SLCO2A1: variants seen among roughly 807,000 people sequenced by gnomAD.
The protein encoded by SLCO2A1 is solute carrier organic anion transporter family member 2A1, also known as matrin F/G 1.
Under a neutral mutation model 71.7 loss-of-function variants are expected in SLCO2A1, and 60 were observed. The observed-to-expected ratio is 0.84, with a 90% CI of 0.68 to 1.04. SLCO2A1 has a LOEUF of 1.04. Ranked by LOEUF, SLCO2A1 falls within the 50% of genes least tolerant of loss-of-function variation. The probability of loss-of-function intolerance (pLI) is 0.00; values close to 1 mark genes in which losing one functional copy is unlikely to be tolerated. For synonymous variants in SLCO2A1, 308 were observed against 326.7 expected (o/e 0.94, Z 0.62); for missense variants, 745 against 813.4 (o/e 0.92, Z 1.02).
At chr3:134,008,924 T>C (rs1052932294) in intron 1 of SLCO2A1, among the ~76,000 whole-genome samples, 5 of 152,192 alleles carry the variant, frequency 3.3e-5, no homozygotes, top group African/African-American at 4.8e-5. Context: ...AAAAATGCAG[T>C]GGGAACAGTG....
rs74705627 is a variant in SLCO2A1, at chr3:134,011,424, G to A, written c.96+18283C>T. Among the ~76,000 whole-genome samples the A allele has an allele frequency of 3.9e-3, 598 of 152,332 alleles. 5 individuals are homozygous for A. Among genetic ancestry groups the A allele is most frequent in the African/African-American group, 0.014 (573 of 41,566 alleles). ...TGGGACTCTGAGGACTGAAGAAGAAGGAGGCTTGAGCTGCTGTGAGGACGA... is the reference window on the plus strand; with the variant it reads ...TGGGACTCTGAGGACTGAAGAAGAAAGAGGCTTGAGCTGCTGTGAGGACGA... On this transcript the variant is annotated intron_variant, in intron 1 of 13. Transcript: ENST00000310926.
At chr3:134,021,307 G>C (rs113827265) in intron 1 of SLCO2A1, among the ~76,000 whole-genome samples, 2 of 152,200 alleles carry the variant, frequency 1.3e-5, no homozygotes, top group African/African-American at 2.4e-5. Flanking sequence ...GGAGACTATG[G>C]AGTACTGTGA....
intron 1 of SLCO2A1, among the ~76,000 whole-genome samples, chr3:134,024,959 C>T (rs1411904951): frequency 6.6e-6 from 1 of 152,054 alleles, no homozygotes; most frequent in Non-Finnish European, 1.5e-5. Flanking sequence ...GCCCAACCTC[C>T]GAGACCATCC....
In SLCO2A1 at chr3:133,945,256, A is replaced by G. The variant is rs1237643106; in HGVS notation, c.1300T>C (p.Ser434Pro). 8 of 1,601,986 alleles carry G rather than the reference A, an allele frequency of 5.0e-6. No homozygotes were observed. The highest frequency in any genetic ancestry group is 2.2e-5 in the East Asian group (1 of 44,772). ...GGAGACTGCGGATGTATAGAACTTGATGTGCTGCCAGCAAAAGAGGAAACG... is the reference window on the plus strand; with the variant it reads ...GGAGACTGCGGATGTATAGAACTTGGTGTGCTGCCAGCAAAAGAGGAAACG... ...TVAEVYPPST[S>P]SSIHPQSPAC... Residue 434 changes from serine to proline, a missense_variant, in exon 10 of 14, where the codon TCA (serine) becomes CCA (proline). By Grantham distance (74) the Ser-to-Pro change is moderately conservative. Transcript: ENST00000310926.
At chr3:133,938,078 CGCT>C (rs1490516725) in intron 12 of SLCO2A1, among the ~76,000 whole-genome samples, 11 of 152,190 alleles carry the variant, frequency 7.2e-5, no homozygotes, top group Non-Finnish European at 1.6e-4. Flanking sequence ...TGGGCTCAGC[CGCT>C]GCTCTGGCTT....
chr3:134,022,724 G>C (rs1935616204), intron 1 of SLCO2A1, among the ~76,000 whole-genome samples: 1 of 152,126 alleles, frequency 6.6e-6, no homozygotes, highest in South Asian at 2.1e-4. Flanking sequence ...TAATATAAAG[G>C]TAAAATTTAG....
intron 6 of SLCO2A1, among the ~76,000 whole-genome samples, chr3:133,949,545 A>G (rs1933681451): frequency 6.6e-6 from 1 of 152,176 alleles, no homozygotes. Flanking sequence ...TGTCAGCTCC[A>G]GCCTAAGGCC....
chr3:133,950,883 C>T (rs989518039), intron 6 of SLCO2A1: 1 of 362,292 alleles, frequency 2.8e-6, no homozygotes. Context: ...GTTGACTGTA[C>T]CAGGTCGCAG....
At chr3:133,936,418 C>T (rs1032564524) in intron 12 of SLCO2A1, among the ~76,000 whole-genome samples, 8 of 152,204 alleles carry the variant, frequency 5.3e-5, no homozygotes, top group African/African-American at 1.9e-4. Context: ...CCAAGCTGCC[C>T]TATTGGATTA....
In SLCO2A1 at chr3:133,995,350, A is replaced by T. The variant is rs200247394; in HGVS notation, c.97-15732T>A. ...ATCAAAATTCAGGCAAAGCACCCCT[A>T]CTCCTCCCCCTGTCACTGAGCTCCC... On this transcript the variant is annotated intron_variant, in intron 1 of 13. Coordinates refer to ENST00000310926, the MANE Select transcript of SLCO2A1 (RefSeq NM_005630.3). Among the ~76,000 whole-genome samples the T allele has an allele frequency of 2.2e-4, 34 of 151,460 alleles. No individual in the cohort carries two copies. The East Asian group carries it at 3.9e-3, about 17-fold the overall frequency.
chr3:133,942,693 G>A lies in SLCO2A1; in HGVS notation c.1537C>T (p.His513Tyr). 1.9e-6 allele frequency: 3 copies of A among 1,614,096 alleles called. No individual in the cohort carries two copies. Among genetic ancestry groups the A allele is most frequent in the Non-Finnish European group, 2.5e-6 (3 of 1,180,008 alleles). Residue 513 changes from histidine to tyrosine, a missense_variant, in exon 11 of 14, where the codon CAC becomes TAC. Physicochemically the swap from His to Tyr is moderately conservative, Grantham distance 83. Transcript: ENST00000310926. ...KTGSCPVPCA[H>Y]FLLPAIFLIS... ...AGGAAGATGGCCGGGAGCAGGAAGT[G>A]GGCACAGGGGACAGGGCACGATCCT...
At chr3:133,939,389 C>G (rs915014008) in intron 11 of SLCO2A1, among the ~76,000 whole-genome samples, 1 of 152,142 alleles carries the variant, frequency 6.6e-6, no homozygotes, top group Non-Finnish European at 1.5e-5. Flanking sequence ...CTCCAGGACT[C>G]TCTGTGCTCT....
chr3:133,943,901 C>T (rs1366725326), intron 10 of SLCO2A1, among the ~76,000 whole-genome samples: 1 of 152,240 alleles, frequency 6.6e-6, no homozygotes, highest in Non-Finnish European at 1.5e-5. Context: ...GCTTGCCCAT[C>T]CCCTCCATAT....
intron 5 of SLCO2A1, among the ~76,000 whole-genome samples, chr3:133,953,369 C>T (rs1199645845): frequency 3.3e-5 from 5 of 152,308 alleles, no homozygotes; most frequent in South Asian, 2.1e-4. Flanking sequence ...CCAAGATGGG[C>T]GCTGTGGTGG....
intron 3 of SLCO2A1, among the ~76,000 whole-genome samples, chr3:133,966,491 C>G (rs1934173094): frequency 6.6e-6 from 1 of 152,168 alleles, no homozygotes; most frequent in African/African-American, 2.4e-5. Flanking sequence ...AGCCCCAGGC[C>G]AAGAAGAGGC....
chr3:133,934,808 A>G lies in SLCO2A1; in HGVS notation c.1837T>C (p.Tyr613His), dbSNP rs200115070. The G allele has an allele frequency of 1.1e-4, 179 of 1,611,560 alleles. No individual in the cohort carries two copies. The highest frequency in any genetic ancestry group is 6.8e-4 in the Middle Eastern group (4 of 5,914). ...RDRYLGLQMG[Y>H]KALGMLLLCF... ...AGCAGCAGCATGCCCAGCGCCTTGT[A>G]GCCCATCTGCAGGCCCAGGTACCTG... The change falls in exon 14 of 14, where the codon TAC becomes CAC. Residue 613 changes from tyrosine to histidine, a missense_variant. Tyr to His is a moderately conservative substitution (Grantham distance 83). Coordinates refer to ENST00000310926, the MANE Select transcript of SLCO2A1 (RefSeq NM_005630.3).
intron 1 of SLCO2A1, among the ~76,000 whole-genome samples, chr3:134,006,269 C>T (rs540446435): frequency 6.6e-6 from 1 of 152,160 alleles, no homozygotes; most frequent in African/African-American, 2.4e-5. Flanking sequence ...CCAGGCTGGT[C>T]TCAAAATTCT....
chr3:133,947,269 C>A lies in SLCO2A1; in HGVS notation c.1282G>T (p.Val428Phe), dbSNP rs750150056. ...TATTCCCATTACCTAGGGGGGTAGA[C>A]TTCGGCCACAGTTGGGGTGGAGCAT... Reference protein sequence around the residue: ...MGCSTPTVAEVYPPSTSSSIH... With the variant: ...MGCSTPTVAEFYPPSTSSSIH... The change falls in exon 9 of 14, where the codon GTC (valine) becomes TTC (phenylalanine). Residue 428 changes from valine (V) to phenylalanine (F), a missense_variant. Physicochemically the swap from Val to Phe is conservative, Grantham distance 50. Coordinates refer to ENST00000310926, the MANE Select transcript of SLCO2A1 (RefSeq NM_005630.3). The A allele has an allele frequency of 1.5e-5, 24 of 1,613,924 alleles. No homozygotes were observed. Among genetic ancestry groups the A allele is most frequent in the Admixed American group, 3.3e-5 (2 of 60,022 alleles).
intron 11 of SLCO2A1, among the ~76,000 whole-genome samples, chr3:133,940,268 T>G (rs1003034070): frequency 3.3e-5 from 5 of 152,194 alleles, no homozygotes; most frequent in African/African-American, 1.2e-4. Flanking sequence ...ACACCCGGCC[T>G]ACAAAGTCAT....
Sources: gnomAD v4.1 joint callset for allele counts (sites outside exome capture counted in the v4.1 genomes callset) on GRCh38, gnomAD v4.1.1 for gene constraint, MANE v1.5 for transcripts, NCBI Gene and HGNC (gene_info 2026-07-23, HGNC 2026-07-21) for gene names.